SLC24A3: variants seen among roughly 807,000 people sequenced by gnomAD.
SLC24A3 encodes the protein sodium/potassium/calcium exchanger 3.
A neutral mutation model predicts 75.8 loss-of-function variants in SLC24A3; 28 were observed. The ratio of observed to expected loss-of-function variants is 0.37; its 90% confidence interval spans 0.27 to 0.51. The LOEUF (loss-of-function observed/expected upper bound fraction) is 0.51. SLC24A3 is among the 20% of genes least tolerant of loss of function. The pLI is 0.94. For synonymous variants in SLC24A3, 372 were observed against 334.1 expected, an observed-to-expected ratio of 1.11 and a Z score of -1.24; for missense variants, 663 against 847.8, an observed-to-expected ratio of 0.78 and a Z score of 2.71.
At chr20:19,594,561 A>G (rs1305542570) in intron 6 of SLC24A3, among the ~76,000 whole-genome samples, 1 of 152,252 alleles carries the variant, frequency 6.6e-6, no homozygotes, top group African/African-American at 2.4e-5. Context: ...GTTTACTGAG[A>G]GCCTACTATG....
At chr20:19,247,287 A>C (rs1982522449) in intron 1 of SLC24A3, among the ~76,000 whole-genome samples, 1 of 152,180 alleles carries the variant, frequency 6.6e-6, no homozygotes, top group African/African-American at 2.4e-5. Context: ...TTCTGTGTGC[A>C]AATTATGCCC....
At chr20:19,422,455 A>G (rs187608269) in intron 2 of SLC24A3, among the ~76,000 whole-genome samples, 2 of 152,248 alleles carry the variant, frequency 1.3e-5, no homozygotes, top group Admixed American at 1.3e-4. Context: ...TCCCAGAAAG[A>G]ACTGAGGATG....
intron 2 of SLC24A3, among the ~76,000 whole-genome samples, chr20:19,478,541 T>C (rs1987999362): frequency 6.6e-6 from 1 of 152,096 alleles, no homozygotes; most frequent in Non-Finnish European, 1.5e-5. Flanking sequence ...TCCATTGTGG[T>C]TTGACTAATC....
At chr20:19,537,713 T>C (rs2030423731) in intron 3 of SLC24A3, among the ~76,000 whole-genome samples, 1 of 152,004 alleles carries the variant, frequency 6.6e-6, no homozygotes, top group Admixed American at 6.5e-5. Context: ...AAATGATGAG[T>C]TCATGTCCTT....
rs1981442611 is a variant in SLC24A3 at position 19,212,873 on chromosome 20, C to A, written c.31C>A (p.Arg11Ser). MRPSGDEDRA[R>S]RRRRRRRRRD... ...GCCGTCCGGCGACGAGGACCGCGCG[C>A]GTCGCCGCCGCCGCCGCCGCCGCCG... The change falls in exon 1 of 17, where the codon CGT becomes AGT. Residue 11 changes from arginine (R) to serine (S), a missense_variant. Arg to Ser is a moderately radical substitution (Grantham distance 110, BLOSUM62 -1). Around this residue, in one of 2 missense-constraint regions of SLC24A3, gnomAD observed 153 missense variants for 144.2 expected, o/e 1.06. Coordinates refer to ENST00000328041, the MANE Select transcript of SLC24A3 (RefSeq NM_020689.4). 1.6e-6 allele frequency: 2 copies of A among 1,253,684 alleles called. No homozygotes were observed. Among genetic ancestry groups the A allele is most frequent in the Non-Finnish European group, 2.0e-6 (2 of 994,200 alleles). The allele number at this position is 1,253,684 out of a possible 1,614,324, so 77.7% of individuals were successfully genotyped here.
chr20:19,583,213 G>A (rs1600289904), intron 4 of SLC24A3, among the ~76,000 whole-genome samples: 1 of 152,304 alleles, frequency 6.6e-6, no homozygotes, highest in East Asian at 1.9e-4. Context: ...GGGGGAAGGA[G>A]AGATTGACGC....
At chr20:19,549,118 T>C (rs2030650942) in intron 3 of SLC24A3, among the ~76,000 whole-genome samples, 1 of 152,094 alleles carries the variant, frequency 6.6e-6, no homozygotes. Flanking sequence ...AGCCTGAGAG[T>C]GGTACCTGTC....
At chr20:19,710,899 G>C (rs1163664238) in intron 15 of SLC24A3, among the ~76,000 whole-genome samples, 2 of 152,232 alleles carry the variant, frequency 1.3e-5, no homozygotes, top group Admixed American at 1.3e-4. Flanking sequence ...CAATTAAAAA[G>C]CAATTTGGTT....
intron 6 of SLC24A3, among the ~76,000 whole-genome samples, chr20:19,604,897 C>G (rs1388322986): frequency 6.6e-6 from 1 of 152,154 alleles, no homozygotes; most frequent in Non-Finnish European, 1.5e-5. Flanking sequence ...TAACCGCCTT[C>G]TCCTCATTGT....
At chr20:19,228,518 G>A (rs552351578) in intron 1 of SLC24A3, among the ~76,000 whole-genome samples, 122 of 152,102 alleles carry the variant, frequency 8.0e-4, no homozygotes, top group East Asian at 7.2e-3. Context: ...GGTGGTGGGC[G>A]CCTGTAGTCT....
intron 14 of SLC24A3, 61 bp from the exon 15 acceptor site, chr20:19,698,507 G>A: frequency 8.3e-7 from 1 of 1,204,732 alleles, no homozygotes; most frequent in Non-Finnish European, 1.2e-6. Flanking sequence ...AGGCTTGGGA[G>A]AGTCCTGTGT....
intron 2 of SLC24A3, among the ~76,000 whole-genome samples, chr20:19,509,225 G>A (rs545074010): frequency 6.6e-6 from 1 of 152,302 alleles, no homozygotes; most frequent in South Asian, 2.1e-4. Context: ...ACCCGAGCCT[G>A]ATTCTCCACT....
intron 2 of SLC24A3, among the ~76,000 whole-genome samples, chr20:19,299,735 G>A (rs1388524483): frequency 6.6e-6 from 1 of 152,210 alleles, no homozygotes; most frequent in East Asian, 1.9e-4. Context: ...AGCACAGTCT[G>A]TTCTGGAGGC....
chr20:19,515,675 C>T (rs1047456585), intron 3 of SLC24A3, 111 bp downstream of exon 3: 16 of 1,070,580 alleles, frequency 1.5e-5, no homozygotes, highest in Admixed American at 6.1e-5. Flanking sequence ...CCTGTTCCCA[C>T]GCTGCCTGGT....
At chr20:19,349,761 A>G (rs1344321571) in intron 2 of SLC24A3, among the ~76,000 whole-genome samples, 1 of 152,100 alleles carries the variant, frequency 6.6e-6, no homozygotes, top group African/African-American at 2.4e-5. Context: ...CCTCACATGT[A>G]TCTTTGTCTT....
chr20:19,222,531 C>T (rs755261146), intron 1 of SLC24A3, among the ~76,000 whole-genome samples: 5 of 152,166 alleles, frequency 3.3e-5, no homozygotes, highest in Non-Finnish European at 5.9e-5. Context: ...ACTCAGCATC[C>T]TGTCTTGAGG....
chr20:19,562,379 A>G (rs990740672), intron 3 of SLC24A3, among the ~76,000 whole-genome samples: 1 of 152,156 alleles, frequency 6.6e-6, no homozygotes, highest in Admixed American at 6.5e-5. Flanking sequence ...CAAGAAGGAC[A>G]TACTGAGACC....
At chr20:19,306,180 T>G (rs1984324483) in intron 2 of SLC24A3, among the ~76,000 whole-genome samples, 1 of 152,130 alleles carries the variant, frequency 6.6e-6, no homozygotes, top group South Asian at 2.1e-4. Context: ...GAAGATATCA[T>G]CTCACATCAG....
At chr20:19,455,214 A>T (rs1371369889) in intron 2 of SLC24A3, among the ~76,000 whole-genome samples, 2 of 152,242 alleles carry the variant, frequency 1.3e-5, no homozygotes, top group East Asian at 1.9e-4. Context: ...AAGGGGACAG[A>T]TGGATCTTCT....
Sources: allele counts gnomAD v4.1 joint callset (sites outside exome capture counted in the v4.1 genomes callset), GRCh38; gene constraint gnomAD v4.1.1; regional missense constraint gnomAD v4.1.1; transcripts MANE v1.5; gene names NCBI Gene and HGNC (gene_info 2026-07-23, HGNC 2026-07-21).